Variants in AGMO observed in about 807,000 individuals in gnomAD.
AGMO encodes the protein alkylglycerol monooxygenase, also known as glyceryl-ether monooxygenase.
AGMO carries 75 observed loss-of-function variants against 60.2 expected under a neutral mutation model. That is an observed-to-expected ratio of 1.25 (90% CI 1.03 to 1.51). The LOEUF (loss-of-function observed/expected upper bound fraction) is 1.51. Ranked by LOEUF, AGMO falls within the 40% of genes most tolerant of loss-of-function variation. The pLI is 0.00. For missense variants in AGMO, 763 were observed against 525.5 expected (o/e 1.45, Z -4.42); for synonymous variants, 261 against 177.1 (o/e 1.47, Z -3.76).
rs1046178294 is a variant in AGMO at position 15,227,940 on chromosome 7, C to T, written c.1264-26581G>A. 7.2e-5 allele frequency among the ~76,000 whole-genome samples: 11 copies of T among 152,162 alleles called. No individual in the cohort carries two copies. In the East Asian group the frequency reaches 1.9e-3, roughly 27 times the overall value. On this transcript the variant is annotated intron_variant, in intron 12 of 12. Transcript: ENST00000342526. ...GCTTGGTATTAGAGTATTGGCTTCT[C>T]GTGTGTTGGGCAGCGATCCCCTTTT...
At chr7:15,382,293 T>C (rs1225796093) in intron 10 of AGMO, among the ~76,000 whole-genome samples, 5 of 152,140 alleles carry the variant, frequency 3.3e-5, no homozygotes, top group Non-Finnish European at 5.9e-5. Flanking sequence ...CCAAAACATA[T>C]CTCCCATTTC....
chr7:15,138,554 T>G, the AGMO span, among the ~76,000 whole-genome samples: 1 of 152,156 alleles, frequency 6.6e-6, no homozygotes, highest in Admixed American at 6.6e-5. Context: ...CAAAAATACA[T>G]AAAATAACCT....
Position 15,218,327 on chromosome 7 carries a change from A to ATGTGTGTATGTG in AGMO, c.1264-16969_1264-16968insCACATACACACA, listed in dbSNP as rs1554396502. 4.8e-4 allele frequency among the ~76,000 whole-genome samples: 69 copies of ATGTGTGTATGTG among 144,020 alleles called. 1 individual carries two copies. The highest frequency in any genetic ancestry group is 1.7e-3 in the African/African-American group (65 of 38,870). The allele number at this position is 144,020 out of a possible 152,430, so 94.5% of individuals were successfully genotyped here. ...ATACTATATTGACTATGGTGTGTGT[A>ATGTGTGTATGTG]TGTGTGTGTGTGTGTGTGTGTGTGT... is the stretch of plus-strand genomic sequence containing the variant. On this transcript the variant is annotated intron_variant, in intron 12 of 12. Coordinates refer to ENST00000342526, the MANE Select transcript of AGMO (RefSeq NM_001004320.2).
At chr7:15,247,732 T>C (rs954737028) in intron 12 of AGMO, among the ~76,000 whole-genome samples, 1 of 152,146 alleles carries the variant, frequency 6.6e-6, no homozygotes, top group African/African-American at 2.4e-5. Flanking sequence ...TTATATACTT[T>C]AAATACTACC....
rs975140908 is a variant in AGMO, at chr7:15,401,485, T to A, written c.610-7306A>T. On this transcript the variant is annotated intron_variant, in intron 5 of 12. Transcript: ENST00000342526. ...TGTTTGAATTGCTTGGAAATTTGCC[T>A]CCTCTTACCTCATTCTGACTATTGA... Among the ~76,000 whole-genome samples the A allele has an allele frequency of 2.6e-5, 4 of 152,146 alleles. No individual in the cohort carries two copies. The East Asian group carries it at 7.7e-4, about 29-fold the overall frequency.
At chr7:15,307,105 TCTA>T (rs1409632334) in intron 12 of AGMO, among the ~76,000 whole-genome samples, 2 of 152,000 alleles carry the variant, frequency 1.3e-5, no homozygotes, top group Non-Finnish European at 2.9e-5. Context: ...ATAGGACAAA[TCTA>T]CTAGTAATGA....
chr7:15,135,056 T>C, the AGMO span, among the ~76,000 whole-genome samples: 1 of 151,372 alleles, frequency 6.6e-6, no homozygotes, highest in African/African-American at 2.4e-5. Context: ...TAAGTAAATT[T>C]TAAATTAGAT....
intron 12 of AGMO, among the ~76,000 whole-genome samples, chr7:15,202,619 C>T (rs1268515754): frequency 6.6e-6 from 1 of 152,004 alleles, no homozygotes; most frequent in Admixed American, 6.6e-5. Context: ...TTCATGCATT[C>T]CTTTTAGCCT....
At chr7:15,527,873 T>G (rs1438134736) in intron 3 of AGMO, among the ~76,000 whole-genome samples, 1 of 152,164 alleles carries the variant, frequency 6.6e-6, no homozygotes, top group Non-Finnish European at 1.5e-5. Context: ...ACAGCACATC[T>G]GTTTACAGCA....
chr7:15,184,966 A>G, the AGMO span, among the ~76,000 whole-genome samples: 4 of 152,072 alleles, frequency 2.6e-5, no homozygotes, highest in African/African-American at 9.6e-5. Context: ...AGAAGGAAGT[A>G]TAAGGGAGTC....
chr7:15,317,867 ACG>A, intron 12 of AGMO, among the ~76,000 whole-genome samples: 4 of 149,056 alleles, frequency 2.7e-5, no homozygotes, highest in South Asian at 4.2e-4. Flanking sequence ...ACACACACAC[ACG>A]TATATATATA....
chr7:15,287,087 G>A (rs924566177), intron 12 of AGMO, among the ~76,000 whole-genome samples: 1 of 152,100 alleles, frequency 6.6e-6, no homozygotes, highest in Non-Finnish European at 1.5e-5. Context: ...GAAGATGAGA[G>A]GGAGGTAAGG....
chr7:15,230,997 C>T (rs1782242950), intron 12 of AGMO, among the ~76,000 whole-genome samples: 1 of 152,104 alleles, frequency 6.6e-6, no homozygotes, highest in Non-Finnish European at 1.5e-5. Flanking sequence ...TGGCTTGTTG[C>T]TTTAATCAGC....
intron 3 of AGMO, among the ~76,000 whole-genome samples, chr7:15,506,402 A>G: frequency 6.6e-6 from 1 of 152,080 alleles, no homozygotes. Flanking sequence ...GGCCATGCTC[A>G]TAAACAGTAC....
At chr7:15,373,568 T>C (rs1583472433) in intron 10 of AGMO, among the ~76,000 whole-genome samples, 1 of 152,118 alleles carries the variant, frequency 6.6e-6, no homozygotes, top group African/African-American at 2.4e-5. Flanking sequence ...TATCACTGTC[T>C]TACTCTTGCA....
intron 9 of AGMO, among the ~76,000 whole-genome samples, chr7:15,386,464 C>T (rs1783918434): frequency 6.6e-6 from 1 of 152,040 alleles, no homozygotes; most frequent in South Asian, 2.1e-4. Flanking sequence ...TCATAGCAAA[C>T]AGCTTTTTGG....
At chr7:15,142,533 G>T in the AGMO span, among the ~76,000 whole-genome samples, 3 of 152,014 alleles carry the variant, frequency 2.0e-5, no homozygotes, top group Non-Finnish European at 4.4e-5. Context: ...TTTACCTTTG[G>T]TGTTGTCTCA....
chr7:15,505,582 C>A (rs1783493259), intron 3 of AGMO, among the ~76,000 whole-genome samples: 8 of 151,928 alleles, frequency 5.3e-5, no homozygotes, highest in Admixed American at 5.3e-4. Context: ...TAAGCATTGG[C>A]CTCTACTTTT....
intron 12 of AGMO, among the ~76,000 whole-genome samples, chr7:15,359,389 T>G (rs1228511513): frequency 6.6e-6 from 1 of 151,496 alleles, no homozygotes; most frequent in African/African-American, 2.5e-5. Context: ...ATGCTTTGGG[T>G]GTTTCTAATG....
Sources: gnomAD v4.1 joint callset for allele counts (sites outside exome capture counted in the v4.1 genomes callset) on GRCh38, gnomAD v4.1.1 for gene constraint, MANE v1.5 for transcripts, NCBI Gene and HGNC (gene_info 2026-07-23, HGNC 2026-07-21) for gene names.